The following TMEM163 variants were observed in gnomAD, a reference collection of about 807,000 sequenced individuals.
TMEM163 encodes the protein transmembrane protein 163.
Under a neutral mutation model 29.3 loss-of-function variants are expected in TMEM163, and 17 were observed. That is an observed-to-expected ratio of 0.58 (90% confidence interval 0.40 to 0.87). TMEM163 has a LOEUF of 0.87. Among genes scored for constraint, TMEM163 ranks in the 40% least tolerant of loss-of-function variants. The probability of loss-of-function intolerance (pLI) is 0.00; values close to 1 mark genes in which losing one functional copy is unlikely to be tolerated. For synonymous variants in TMEM163, 157 were observed against 160.6 expected (o/e 0.98, Z 0.17); for missense variants, 303 against 381.5 (o/e 0.79, Z 1.71).
intron 2 of TMEM163, among the ~76,000 whole-genome samples, chr2:134,675,136 T>A: frequency 6.6e-6 from 1 of 152,358 alleles, no homozygotes; most frequent in Admixed American, 6.5e-5. Context: ...TTACAATATG[T>A]ATTATCGAAA....
At chr2:134,538,267 T>A (rs967659832) in intron 4 of TMEM163, among the ~76,000 whole-genome samples, 16 of 152,280 alleles carry the variant, frequency 1.1e-4, no homozygotes, top group African/African-American at 3.8e-4. Context: ...TTGGGCCATA[T>A]GAGGACACCT....
intron 2 of TMEM163, among the ~76,000 whole-genome samples, chr2:134,681,219 G>GGCCATCTCTGACAGGCA (rs1684225044): frequency 6.6e-6 from 1 of 152,040 alleles, no homozygotes. Context: ...AAGGGTCACC[G>GGCCATCTCTGACAGGCA]TGGCCATCTC....
intron 5 of TMEM163, among the ~76,000 whole-genome samples, chr2:134,480,445 C>T (rs917093840): frequency 3.3e-4 from 50 of 152,252 alleles, no homozygotes; most frequent in African/African-American, 1.1e-3. Context: ...CACATTTATA[C>T]ACATGTGCTT....
intron 2 of TMEM163, among the ~76,000 whole-genome samples, chr2:134,615,995 G>T (rs936631486): frequency 6.6e-6 from 1 of 152,108 alleles, no homozygotes; most frequent in Admixed American, 6.6e-5. Flanking sequence ...AAACAAGTGG[G>T]ATCAAGATCC....
chr2:134,514,572 G>C (rs1284786800), intron 4 of TMEM163, among the ~76,000 whole-genome samples: 1 of 152,174 alleles, frequency 6.6e-6, no homozygotes, highest in Non-Finnish European at 1.5e-5. Flanking sequence ...CACAGAGCCA[G>C]ATTCTGAGGT....
intron 2 of TMEM163, among the ~76,000 whole-genome samples, chr2:134,707,776 T>G (rs1290622135): frequency 6.6e-6 from 1 of 151,658 alleles, no homozygotes; most frequent in East Asian, 1.9e-4. Context: ...GAGTTGTCAA[T>G]GAGGAGGCTG....
chr2:134,655,120 C>A (rs1489164484), intron 2 of TMEM163, among the ~76,000 whole-genome samples: 1 of 136,122 alleles, frequency 7.3e-6, no homozygotes, highest in Non-Finnish European at 1.5e-5. Context: ...TGAAGTTCTC[C>A]TGGATAATAT....
intron 6 of TMEM163, among the ~76,000 whole-genome samples, chr2:134,465,189 T>TAAAAAAAAAAAAAAA (rs1181405890): frequency 1.5e-4 from 18 of 117,678 alleles, no homozygotes; most frequent in African/African-American, 6.0e-4. Context: ...TCCGCATCTT[T>TAAAAAAAAAAAAAAA]AAAAAAAAAA....
intron 2 of TMEM163, among the ~76,000 whole-genome samples, chr2:134,579,476 C>T (rs933487760): frequency 1.3e-5 from 2 of 152,196 alleles, no homozygotes; most frequent in Admixed American, 6.5e-5. Flanking sequence ...TGGACAGACT[C>T]ACTGTCCAAA....
At chr2:134,660,702 A>G (rs1172736565) in intron 2 of TMEM163, among the ~76,000 whole-genome samples, 1 of 152,210 alleles carries the variant, frequency 6.6e-6, no homozygotes, top group Non-Finnish European at 1.5e-5. Context: ...CATGGCAGAG[A>G]GAAGCAAGAG....
intron 2 of TMEM163, among the ~76,000 whole-genome samples, chr2:134,621,680 G>A (rs1682738250): frequency 6.6e-6 from 1 of 151,470 alleles, no homozygotes; most frequent in Admixed American, 6.6e-5. Flanking sequence ...TACGAGGTCA[G>A]GAGATCGAGA....
At chr2:134,526,360 TC>T (rs1274911989) in intron 4 of TMEM163, among the ~76,000 whole-genome samples, 1 of 152,148 alleles carries the variant, frequency 6.6e-6, no homozygotes, top group African/African-American at 2.4e-5. Context: ...CAGAAGTCTC[TC>T]AGACTATTAA....
rs114547630 is a variant in TMEM163, at chr2:134,636,781, A to C, written c.322+76419T>G. On this transcript the variant is annotated intron_variant, in intron 2 of 7. Coordinates refer to ENST00000281924, the MANE Select transcript of TMEM163 (RefSeq NM_030923.5). ...GGATTATATTACTATTATAAAACCT[A>C]AGATCAGTGCTTGATATATTTTGCA... 6.9e-3 allele frequency among the ~76,000 whole-genome samples: 1,047 copies of C among 152,368 alleles called. 14 individuals are homozygous for C. Among genetic ancestry groups the C allele is most frequent in the African/African-American group, 0.024 (984 of 41,580 alleles).
At chr2:134,642,128 AT>A (rs1011968095) in intron 2 of TMEM163, among the ~76,000 whole-genome samples, 247 of 147,148 alleles carry the variant, frequency 1.7e-3, no homozygotes, top group African/African-American at 4.6e-3. Flanking sequence ...CCAATCCACG[AT>A]TTTTTTTTTT....
In TMEM163 at chr2:134,460,222, G is replaced by T. The variant is rs1469920896; in HGVS notation, c.668-2049C>A. ...CTCCCGCAGGAAAGCCCCCGTCACGGGCTCAAATCCCACCAGACCCCTCAC... is the reference window on the plus strand; with the variant it reads ...CTCCCGCAGGAAAGCCCCCGTCACGTGCTCAAATCCCACCAGACCCCTCAC... On this transcript the variant is annotated intron_variant, in intron 6 of 7. Transcript: ENST00000281924. This position sits in a 1 kb window ranked among gnomAD's most constrained non-coding sequence, Gnocchi z 4.3. Among the ~76,000 whole-genome samples, 1 of 151,874 alleles carries T rather than the reference G, an allele frequency of 6.6e-6. No homozygotes were observed. Among genetic ancestry groups the T allele is most frequent in the Non-Finnish European group, 1.5e-5 (1 of 67,980 alleles).
chr2:134,640,034 T>C (rs1442394480), intron 2 of TMEM163, among the ~76,000 whole-genome samples: 1 of 152,262 alleles, frequency 6.6e-6, no homozygotes, highest in Non-Finnish European at 1.5e-5. Flanking sequence ...TTTGGTTCTC[T>C]TTACTGCCAT....
At chr2:134,682,545 G>A (rs1316481675) in intron 2 of TMEM163, among the ~76,000 whole-genome samples, 1 of 152,218 alleles carries the variant, frequency 6.6e-6, no homozygotes, top group African/African-American at 2.4e-5. Context: ...AGAGCCTTGG[G>A]AGAGTTCTTC....
chr2:134,642,419 C>T (rs951010052), intron 2 of TMEM163, among the ~76,000 whole-genome samples: 2 of 152,116 alleles, frequency 1.3e-5, no homozygotes, highest in African/African-American at 2.4e-5. Flanking sequence ...CACGAGCCAC[C>T]GCGAACGGCC....
chr2:134,466,000 G>A (rs961784504), intron 6 of TMEM163, 114 bp downstream of exon 6: 7 of 726,176 alleles, frequency 9.6e-6, no homozygotes, highest in Non-Finnish European at 1.6e-5. Flanking sequence ...AGTGAGAAAT[G>A]GATTCCAAAT....
Sources: gnomAD v4.1 joint callset for allele counts (sites outside exome capture counted in the v4.1 genomes callset) on GRCh38, gnomAD v4.1.1 for gene constraint, Gnocchi (gnomAD v3.1) non-coding constraint, MANE v1.5 for transcripts, NCBI Gene and HGNC (gene_info 2026-07-23, HGNC 2026-07-21) for gene names.